The following SYT9 variants were observed in gnomAD, a reference collection of about 807,000 sequenced individuals.
SYT9 encodes the protein synaptotagmin 9.
SYT9 carries 22 observed loss-of-function variants against 48.4 expected under a neutral mutation model. The ratio of observed to expected loss-of-function variants is 0.45; its 90% CI spans 0.32 to 0.65. The LOEUF (loss-of-function observed/expected upper bound fraction) is 0.65, where lower values mean the gene tolerates loss of function less well. SYT9 is among the 30% of genes least tolerant of loss of function. The probability of loss-of-function intolerance (pLI) is 0.03; values close to 1 mark genes in which losing one functional copy is unlikely to be tolerated. For synonymous variants in SYT9, 265 were observed against 245.0 expected (o/e 1.08, Z -0.76); for missense variants, 577 against 622.0 (o/e 0.93, Z 0.77).
chr11:7,402,705 T>A lies in SYT9; in HGVS notation c.1045-13337T>A, dbSNP rs537974145. Among the ~76,000 whole-genome samples the A allele has an allele frequency of 7.9e-5, 12 of 152,034 alleles. No individual in the cohort carries two copies. The East Asian group carries it at 2.3e-3, about 29-fold the overall frequency. On this transcript the variant is annotated intron_variant, in intron 3 of 6. Transcript: ENST00000318881. Reference sequence around the variant, plus strand: ...ATTTGTTTTTTATCCTTTAAAAATCTTTTTTTGTGTTGATATTTTAAGTAG... The same window carrying A: ...ATTTGTTTTTTATCCTTTAAAAATCATTTTTTGTGTTGATATTTTAAGTAG...
intron 6 of SYT9, among the ~76,000 whole-genome samples, chr11:7,432,865 A>G (rs1198963463): frequency 1.3e-5 from 2 of 151,850 alleles, no homozygotes; most frequent in Non-Finnish European, 2.9e-5. Context: ...TGCTGGAATG[A>G]CCTAAGACTT....
intron 3 of SYT9, among the ~76,000 whole-genome samples, chr11:7,408,173 G>T (rs535346851): frequency 4.6e-4 from 70 of 152,266 alleles, no homozygotes; most frequent in African/African-American, 1.6e-3. Flanking sequence ...CTGTTGCCCA[G>T]GCTGGAGTGC....
At chr11:7,446,912 T>C (rs1253825294) in intron 6 of SYT9, among the ~76,000 whole-genome samples, 1 of 152,218 alleles carries the variant, frequency 6.6e-6, no homozygotes, top group African/African-American at 2.4e-5. Context: ...ACCCAATCCC[T>C]GAGGGGAGCT....
chr11:7,399,323 C>A (rs938728293), intron 3 of SYT9, among the ~76,000 whole-genome samples: 1 of 151,980 alleles, frequency 6.6e-6, no homozygotes, highest in African/African-American at 2.4e-5. Flanking sequence ...AACACTGAAC[C>A]AAACTAAAAA....
At chr11:7,299,017 A>G (rs1278011691) in intron 1 of SYT9, among the ~76,000 whole-genome samples, 2 of 152,204 alleles carry the variant, frequency 1.3e-5, no homozygotes, top group Non-Finnish European at 2.9e-5. Context: ...CAACTCTTGG[A>G]TAAAAGCACT....
At chr11:7,452,265 C>T (rs550012190) in intron 6 of SYT9, among the ~76,000 whole-genome samples, 1 of 152,254 alleles carries the variant, frequency 6.6e-6, no homozygotes, top group East Asian at 1.9e-4. Context: ...CTGCTTGTTG[C>T]CACATTGGCC....
At chr11:7,336,577 C>A (rs1379457324) in intron 3 of SYT9, among the ~76,000 whole-genome samples, 2 of 152,152 alleles carry the variant, frequency 1.3e-5, no homozygotes, top group African/African-American at 4.8e-5. Flanking sequence ...GTTATCCCAG[C>A]ACCATTTATT....
intron 3 of SYT9, among the ~76,000 whole-genome samples, chr11:7,378,345 A>G (rs1850494855): frequency 6.6e-6 from 1 of 152,124 alleles, no homozygotes; most frequent in Non-Finnish European, 1.5e-5. Context: ...AAGAGCACCC[A>G]ATATCCATGG....
chr11:7,354,776 G>A (rs1001991940), intron 3 of SYT9, among the ~76,000 whole-genome samples: 2 of 152,072 alleles, frequency 1.3e-5, no homozygotes, highest in Non-Finnish European at 2.9e-5. Flanking sequence ...GTCAGCTTTT[G>A]GAGTGCAGGG....
intron 3 of SYT9, among the ~76,000 whole-genome samples, chr11:7,376,454 T>A (rs1471973506): frequency 6.6e-6 from 1 of 151,094 alleles, no homozygotes; most frequent in Non-Finnish European, 1.5e-5. Flanking sequence ...CTGCCTTAGC[T>A]TGTATTCCCA....
intron 3 of SYT9, among the ~76,000 whole-genome samples, chr11:7,325,138 A>G (rs1398686181): frequency 6.6e-6 from 1 of 152,016 alleles, no homozygotes; most frequent in South Asian, 2.1e-4. Flanking sequence ...TTTTCTTCCA[A>G]TTCTGTGAAG....
rs528022019 is a variant in SYT9, at chr11:7,243,071, T to TAAATAAATAAATAAATAA, written c.49+4158_49+4159insTAAATAAATAAATAAAAA. The stretch of plus-strand genomic sequence containing the variant: ...CAATAAATAAATAAATAAATAAATA[T>TAAATAAATAAATAAATAA]AAAGTATTACCAATATGAACAGGAT... On this transcript the variant is annotated intron_variant and NMD_transcript_variant, in intron 1 of 8. Coordinates refer to the SYT9 transcript ENST00000524820. 9.4e-3 allele frequency among the ~76,000 whole-genome samples: 1,417 copies of TAAATAAATAAATAAATAA among 151,104 alleles called. 9 individuals are homozygous for TAAATAAATAAATAAATAA. The highest frequency in any genetic ancestry group is 0.023 in the Admixed American group (352 of 15,202).
At chr11:7,329,895 T>C (rs934077005) in intron 3 of SYT9, among the ~76,000 whole-genome samples, 2 of 152,188 alleles carry the variant, frequency 1.3e-5, no homozygotes, top group African/African-American at 4.8e-5. Context: ...TGAGAAAGCA[T>C]GCCAGCTCTG....
chr11:7,378,579 G>T (rs1318972324), intron 3 of SYT9, among the ~76,000 whole-genome samples: 2 of 151,658 alleles, frequency 1.3e-5, no homozygotes, highest in African/African-American at 4.8e-5. Flanking sequence ...ATGGAAGAGG[G>T]ATGAGGGAGG....
At chr11:7,342,600 G>A (rs527753576) in intron 3 of SYT9, among the ~76,000 whole-genome samples, 9 of 152,248 alleles carry the variant, frequency 5.9e-5, no homozygotes, top group Non-Finnish European at 2.9e-5. Flanking sequence ...CCTCCCTCCC[G>A]GCTGCTTTCG....
At chr11:7,266,834 G>C (rs1848193461) in intron 1 of SYT9, among the ~76,000 whole-genome samples, 1 of 152,074 alleles carries the variant, frequency 6.6e-6, no homozygotes, top group Non-Finnish European at 1.5e-5. Flanking sequence ...AGAAAAGTGA[G>C]TAGTAAATAG....
intron 1 of SYT9, among the ~76,000 whole-genome samples, chr11:7,282,670 G>C (rs886893094): frequency 5.9e-5 from 9 of 152,064 alleles, no homozygotes; most frequent in Admixed American, 6.5e-5. Flanking sequence ...GTAGCCTGTA[G>C]GCAGCATGGT....
intron 3 of SYT9, among the ~76,000 whole-genome samples, chr11:7,331,112 C>G (rs1308529895): frequency 6.6e-6 from 1 of 151,058 alleles, no homozygotes; most frequent in African/African-American, 2.4e-5. Context: ...ACAATATTTT[C>G]TTTGTTATAG....
At chr11:7,423,132 T>C (rs1454220910) in intron 6 of SYT9, among the ~76,000 whole-genome samples, 1 of 152,194 alleles carries the variant, frequency 6.6e-6, no homozygotes, top group Non-Finnish European at 1.5e-5. Context: ...CAAGCCTTCA[T>C]ATAAGCAGGG....
Sources: allele counts gnomAD v4.1 joint callset (sites outside exome capture counted in the v4.1 genomes callset), GRCh38; gene constraint gnomAD v4.1.1; transcripts MANE v1.5; gene names NCBI Gene and HGNC (gene_info 2026-07-23, HGNC 2026-07-21).